GALNT1: variants seen among roughly 807,000 people sequenced by gnomAD.
GALNT1 encodes the protein polypeptide N-acetylgalactosaminyltransferase 1.
GALNT1 carries 17 observed loss-of-function variants against 65.7 expected under a neutral mutation model. The observed-to-expected ratio is 0.26, with a 90% confidence interval of 0.18 to 0.39. The LOEUF (loss-of-function observed/expected upper bound fraction) is 0.39, where lower values mean the gene tolerates loss of function less well. GALNT1 is among the 10% of genes least tolerant of loss of function. GALNT1 has a pLI of 1.00. For missense variants in GALNT1, 460 were observed against 672.8 expected (o/e 0.68, Z 3.50); for synonymous variants, 210 against 219.7 (o/e 0.96, Z 0.39).
In GALNT1 at chr18:35,667,186, TG is replaced by T. The variant is rs200993730; in HGVS notation, c.314+3386del. Among the ~76,000 whole-genome samples, 979 of 152,270 alleles carry T rather than the reference TG, an allele frequency of 6.4e-3. 14 individuals carry two copies. Among genetic ancestry groups the T allele is most frequent in the East Asian group, 0.046 (237 of 5,166 alleles). ...ATTGGTCTGTGTGAGCAATAGAACA[TG>T]GTGCAAGTAAAATGGAGTATCTCCT... On this transcript the variant is annotated intron_variant, in intron 3 of 11. Transcript: ENST00000269195.
chr18:35,655,336 G>A (rs1167424885), intron 2 of GALNT1, among the ~76,000 whole-genome samples: 1 of 150,860 alleles, frequency 6.6e-6, no homozygotes, highest in African/African-American at 2.4e-5. Flanking sequence ...AATAGAGGCT[G>A]CAGTGAGATC....
chr18:35,622,284 C>T (rs1231703142), intron 1 of GALNT1, among the ~76,000 whole-genome samples: 3 of 151,980 alleles, frequency 2.0e-5, no homozygotes, highest in African/African-American at 7.3e-5. Context: ...CAGGGTCTCA[C>T]TCTGTCACAG....
At chr18:35,645,012 G>GAATAAATA (rs201829030) in intron 1 of GALNT1, among the ~76,000 whole-genome samples, 5 of 151,510 alleles carry the variant, frequency 3.3e-5, no homozygotes, top group Non-Finnish European at 7.4e-5. Context: ...ATAAGTAAAT[G>GAATAAATA]AATAAATAAA....
At chr18:35,660,973 TATC>T (rs1037055640) in intron 2 of GALNT1, among the ~76,000 whole-genome samples, 1 of 152,148 alleles carries the variant, frequency 6.6e-6, no homozygotes, top group African/African-American at 2.4e-5. Flanking sequence ...GATTAATAAA[TATC>T]AGGTGATGAA....
Position 35,654,752 on chromosome 18 carries a change from A to T in GALNT1, c.90A>T (p.Glu30Asp), listed in dbSNP as rs1384609242. The T allele has an allele frequency of 4.4e-6, 7 of 1,575,094 alleles. No individual in the cohort carries two copies. The highest frequency in any genetic ancestry group is 6.0e-6 in the Non-Finnish European group (7 of 1,158,382). Residue 30 changes from glutamate to aspartate, a missense_variant, in exon 2 of 12, where the codon GAA (glutamate) becomes GAT (aspartate). Transcript: ENST00000269195. ...TGTTCCTGCTGCTTTACTTCAGTGAATGCAACAAATGTGATGAAAAAAAGG... is the reference window on the plus strand; with the variant it reads ...TGTTCCTGCTGCTTTACTTCAGTGATTGCAACAAATGTGATGAAAAAAAGG... ...LDMFLLLYFS[E>D]CNKCDEKKER...
chr18:35,617,301 C>A lies in GALNT1; in HGVS notation c.-104+35439C>A, dbSNP rs181572535. On this transcript the variant is annotated intron_variant, in intron 1 of 11. Coordinates refer to ENST00000269195, the MANE Select transcript of GALNT1 (RefSeq NM_020474.4). Reference sequence around the variant, plus strand: ...GCAGTTAACAAATTTGTTAAGTGAACAAATGTCTACTATATGCCTTGCTTT... The same window carrying A: ...GCAGTTAACAAATTTGTTAAGTGAAAAAATGTCTACTATATGCCTTGCTTT... 8.0e-3 allele frequency among the ~76,000 whole-genome samples: 1,220 copies of A among 152,182 alleles called. 17 individuals are homozygous for A. Among genetic ancestry groups the A allele is most frequent in the African/African-American group, 0.027 (1,135 of 41,500 alleles).
chr18:35,640,371 G>GTATC (rs35932635), intron 1 of GALNT1, among the ~76,000 whole-genome samples: 34,131 of 151,888 alleles, frequency 0.22, 4,297 homozygotes, highest in African/African-American at 0.34. Context: ...AAAAATTAAA[G>GTATC]TAACAAGTAT....
At chr18:35,619,450 A>AT (rs999371462) in intron 1 of GALNT1, among the ~76,000 whole-genome samples, 1 of 152,000 alleles carries the variant, frequency 6.6e-6, no homozygotes, top group African/African-American at 2.4e-5. Context: ...GTCCTTTGAG[A>AT]TTTTTTTTCT....
chr18:35,681,805 A>G (rs1000076562), intron 4 of GALNT1, among the ~76,000 whole-genome samples: 9 of 152,044 alleles, frequency 5.9e-5, no homozygotes, highest in Admixed American at 4.6e-4. Context: ...TGTTGTAGAT[A>G]AAAAGATGGG....
chr18:35,626,187 C>T (rs625199), intron 1 of GALNT1, among the ~76,000 whole-genome samples: 91,634 of 152,054 alleles, frequency 0.6, 28,013 homozygotes, highest in Middle Eastern at 0.72. Context: ...AAGACTTAAA[C>T]TGTGAAATGA....
intron 4 of GALNT1, among the ~76,000 whole-genome samples, chr18:35,678,153 A>G (rs1335501681): frequency 6.6e-6 from 1 of 152,202 alleles, no homozygotes; most frequent in African/African-American, 2.4e-5. Context: ...CATGTTTAGT[A>G]GGAAATATCT....
intron 1 of GALNT1, among the ~76,000 whole-genome samples, chr18:35,587,295 A>C (rs1367323482): frequency 6.6e-6 from 1 of 152,224 alleles, no homozygotes; most frequent in Non-Finnish European, 1.5e-5. Flanking sequence ...GTTACCTGCA[A>C]AGAGGAACAA....
chr18:35,630,114 A>T (rs973974805), intron 1 of GALNT1, among the ~76,000 whole-genome samples: 1 of 152,146 alleles, frequency 6.6e-6, no homozygotes, highest in Non-Finnish European at 1.5e-5. Context: ...GGAGACTTTA[A>T]CACCCCACTG....
chr18:35,615,215 A>G lies in GALNT1; in HGVS notation c.-104+33353A>G, dbSNP rs531905545. Among the ~76,000 whole-genome samples, 3 of 152,312 alleles carry G rather than the reference A, an allele frequency of 2.0e-5. No homozygotes were observed. In the South Asian group the frequency reaches 6.2e-4, roughly 32 times the overall value. ...TTTAAGATAGTGTAAAACTTTAATC[A>G]TTGAGATGGCATAATATTTGGACAA... On this transcript the variant is annotated intron_variant, in intron 1 of 11. Coordinates refer to ENST00000269195, the MANE Select transcript of GALNT1 (RefSeq NM_020474.4).
chr18:35,687,496 A>G (rs1042188837), intron 6 of GALNT1, among the ~76,000 whole-genome samples: 1 of 152,220 alleles, frequency 6.6e-6, no homozygotes, highest in Admixed American at 6.5e-5. Context: ...TATTAAGGAT[A>G]ATAATACTTA....
chr18:35,688,050 A>ACTAT (rs1422201861), intron 6 of GALNT1, among the ~76,000 whole-genome samples: 1 of 152,132 alleles, frequency 6.6e-6, no homozygotes, highest in African/African-American at 2.4e-5. Flanking sequence ...AGTGCAATTC[A>ACTAT]CTATCTAAAT....
chr18:35,589,395 C>G (rs1159425372), intron 1 of GALNT1, among the ~76,000 whole-genome samples: 1 of 152,108 alleles, frequency 6.6e-6, no homozygotes, highest in East Asian at 1.9e-4. Flanking sequence ...CGGGGTAAGG[C>G]TACAGTTTTT....
intron 1 of GALNT1, among the ~76,000 whole-genome samples, chr18:35,616,322 A>G (rs1367076879): frequency 6.6e-6 from 1 of 152,136 alleles, no homozygotes. Flanking sequence ...TTAAAGTGTC[A>G]GTTTTCCTAT....
rs1202187282 is a variant in GALNT1 at position 35,692,247 on chromosome 18, A to G, written c.1226A>G (p.Lys409Arg). The G allele has an allele frequency of 1.2e-6, 2 of 1,608,916 alleles. No individual in the cohort carries two copies. Among genetic ancestry groups the G allele is most frequent in the East Asian group, 2.2e-5 (1 of 44,754 alleles). Residue 409 changes from lysine to arginine, a missense_variant, in exon 9 of 12, where the codon AAA (lysine) becomes AGA (arginine). Transcript: ENST00000269195. Reference protein sequence around the residue: ...RVGLRHKLQCKPFSWYLENIY... With the variant: ...RVGLRHKLQCRPFSWYLENIY... ...GGTCTAAGACACAAACTACAATGCA[A>G]ACCTTTTTCCTGGTACCTAGAGAAT...
Sources: gnomAD v4.1 joint callset for allele counts (sites outside exome capture counted in the v4.1 genomes callset) on GRCh38, gnomAD v4.1.1 for gene constraint, MANE v1.5 for transcripts, NCBI Gene and HGNC (gene_info 2026-07-23, HGNC 2026-07-21) for gene names.